Variants in CRACD observed in about 807,000 individuals in gnomAD.
The protein encoded by CRACD is capping protein inhibiting regulator of actin dynamics.
Under a neutral mutation model 106.8 loss-of-function variants are expected in CRACD, and 56 were observed. The ratio of observed to expected loss-of-function variants is 0.52; its 90% CI spans 0.42 to 0.66. The LOEUF is 0.66. Ranked by LOEUF, CRACD falls within the 30% of genes least tolerant of loss-of-function variation. The pLI is 0.00. For synonymous variants in CRACD, 754 were observed against 670.8 expected (o/e 1.12, Z -1.92); for missense variants, 1,730 against 1,623.2 (o/e 1.07, Z -1.13).
intron 2 of CRACD, among the ~76,000 whole-genome samples, chr4:56,235,840 C>T (rs1180022608): frequency 6.6e-6 from 1 of 152,130 alleles, no homozygotes; most frequent in East Asian, 1.9e-4. Flanking sequence ...GATGCACATA[C>T]AAGACAAGGG....
At chr4:56,305,763 A>G (rs1744654133) in intron 4 of CRACD, among the ~76,000 whole-genome samples, 2 of 151,692 alleles carry the variant, frequency 1.3e-5, no homozygotes, top group African/African-American at 4.9e-5. Context: ...TGTGGAGGGG[A>G]CCCTTGGGCT....
chr4:56,231,545 G>A (rs144523662), intron 2 of CRACD, among the ~76,000 whole-genome samples: 84 of 152,236 alleles, frequency 5.5e-4, no homozygotes, highest in Admixed American at 2.6e-3. Flanking sequence ...GAGTGTTATA[G>A]GACCAATACT....
chr4:56,078,988 C>T (rs1293655366), intron 1 of CRACD, among the ~76,000 whole-genome samples: 1 of 152,134 alleles, frequency 6.6e-6, no homozygotes, highest in East Asian at 1.9e-4. Flanking sequence ...TGGAGTAATT[C>T]ACATATGGAG....
intron 3 of CRACD, among the ~76,000 whole-genome samples, chr4:56,285,267 G>C (rs777602062): frequency 1.3e-5 from 2 of 152,106 alleles, no homozygotes; most frequent in African/African-American, 2.4e-5. Flanking sequence ...TGAGATTTGG[G>C]TGGGGACACA....
chr4:56,205,162 A>G (rs1031196903), intron 2 of CRACD, among the ~76,000 whole-genome samples: 2 of 152,136 alleles, frequency 1.3e-5, no homozygotes, highest in African/African-American at 4.8e-5. Context: ...TCTCAAAAAT[A>G]AAGAAATAAA....
At chr4:56,193,071 C>T (rs916919973) in intron 2 of CRACD, among the ~76,000 whole-genome samples, 3 of 152,166 alleles carry the variant, frequency 2.0e-5, no homozygotes, top group African/African-American at 7.2e-5. Flanking sequence ...ACTCACAGTT[C>T]CACTTGGCTG....
At chr4:56,237,214 T>C (rs1008008988) in intron 2 of CRACD, among the ~76,000 whole-genome samples, 2 of 152,178 alleles carry the variant, frequency 1.3e-5, no homozygotes, top group Non-Finnish European at 2.9e-5. Context: ...TGGAGGGATA[T>C]CTATGATATA....
chr4:56,235,695 A>G (rs933963899), intron 2 of CRACD, among the ~76,000 whole-genome samples: 4 of 152,232 alleles, frequency 2.6e-5, no homozygotes, highest in African/African-American at 9.6e-5. Flanking sequence ...TGTTGACAGT[A>G]GATTCAGCTT....
At chr4:56,094,910 T>C (rs534283887) in intron 1 of CRACD, among the ~76,000 whole-genome samples, 2 of 152,334 alleles carry the variant, frequency 1.3e-5, no homozygotes, top group South Asian at 2.1e-4. Flanking sequence ...GATTTAACAA[T>C]TGCTAATTTT....
chr4:56,251,626 T>C (rs1577805283), intron 2 of CRACD, among the ~76,000 whole-genome samples: 1 of 152,176 alleles, frequency 6.6e-6, no homozygotes, highest in African/African-American at 2.4e-5. Flanking sequence ...AAGTGGAAGA[T>C]TTTGTGAAAC....
intron 1 of CRACD, among the ~76,000 whole-genome samples, chr4:56,107,633 T>G (rs1733992235): frequency 6.6e-6 from 1 of 152,202 alleles, no homozygotes; most frequent in South Asian, 2.1e-4. Flanking sequence ...GAGCTGTCCT[T>G]CTTTTCAAGT....
chr4:56,305,268 C>T (rs1230213225), intron 4 of CRACD, among the ~76,000 whole-genome samples: 1 of 152,166 alleles, frequency 6.6e-6, no homozygotes, highest in East Asian at 1.9e-4. Context: ...GAAATGTCCT[C>T]ATCTCAGCAT....
intron 2 of CRACD, among the ~76,000 whole-genome samples, chr4:56,228,312 A>G (rs1252198720): frequency 6.6e-6 from 1 of 152,222 alleles, no homozygotes; most frequent in Admixed American, 6.5e-5. Context: ...CTTCTAACAG[A>G]AACAAGACTT....
intron 2 of CRACD, among the ~76,000 whole-genome samples, chr4:56,200,724 C>CA (rs1244387012): frequency 6.6e-6 from 1 of 152,124 alleles, no homozygotes; most frequent in African/African-American, 2.4e-5. Flanking sequence ...GTTTTAGGCT[C>CA]ACAGCAAAAT....
At chr4:56,277,249 T>C (rs1560514036) in intron 3 of CRACD, among the ~76,000 whole-genome samples, 2 of 152,032 alleles carry the variant, frequency 1.3e-5, no homozygotes, top group Admixed American at 6.6e-5. Flanking sequence ...AAGAAAAAAC[T>C]AGTAGCCTGA....
intron 1 of CRACD, among the ~76,000 whole-genome samples, chr4:56,079,240 T>A (rs1732944247): frequency 6.6e-6 from 1 of 152,002 alleles, no homozygotes; most frequent in Non-Finnish European, 1.5e-5. Flanking sequence ...TTTCACTGTG[T>A]ATACCAAAGG....
At chr4:56,163,866 T>C (rs1249795226) in intron 1 of CRACD, among the ~76,000 whole-genome samples, 1 of 152,074 alleles carries the variant, frequency 6.6e-6, no homozygotes, top group East Asian at 1.9e-4. Flanking sequence ...ATGCCTCAGC[T>C]TCCAGAGTAG....
intron 3 of CRACD, among the ~76,000 whole-genome samples, chr4:56,297,227 AC>A (rs2109718403): frequency 6.6e-6 from 1 of 152,186 alleles, no homozygotes; most frequent in South Asian, 2.1e-4. Context: ...GGCATGAGCC[AC>A]CGTGCCTGGC....
intron 1 of CRACD, among the ~76,000 whole-genome samples, chr4:56,110,686 T>C (rs1369032560): frequency 6.6e-6 from 1 of 152,136 alleles, no homozygotes; most frequent in Non-Finnish European, 1.5e-5. Flanking sequence ...TACCTCCGTT[T>C]CCCACGTTCA....
Sources: gnomAD v4.1 joint callset for allele counts (sites outside exome capture counted in the v4.1 genomes callset) on GRCh38, gnomAD v4.1.1 for gene constraint, MANE v1.5 for transcripts, NCBI Gene and HGNC (gene_info 2026-07-23, HGNC 2026-07-21) for gene names.